MYBBP1A: variants seen among roughly 807,000 people sequenced by gnomAD.
The protein encoded by MYBBP1A is myb-binding protein 1A.
MYBBP1A carries 147 observed loss-of-function variants against 136.3 expected under a neutral mutation model. That is an observed-to-expected ratio of 1.08 (90% CI 0.94 to 1.24). The LOEUF (loss-of-function observed/expected upper bound fraction) is 1.24. Ranked by LOEUF, MYBBP1A falls within the 50% of genes most tolerant of loss-of-function variation. The pLI is 0.00. For synonymous variants in MYBBP1A, 947 were observed against 735.8 expected, an observed-to-expected ratio of 1.29 and a Z score of -4.65; for missense variants, 2,060 against 1,727.4, an observed-to-expected ratio of 1.19 and a Z score of -3.41.
In MYBBP1A at chr17:4,544,506, C is replaced by G. The variant is rs1335006631; in HGVS notation, c.2622G>C (p.Lys874Asn). The change falls in exon 19 of 26, where the codon AAG (lysine) becomes AAC (asparagine). Residue 874 changes from lysine (K) to asparagine (N), a missense_variant. By Grantham distance (94) the Lys-to-Asn change is moderately conservative. Transcript: ENST00000254718. ...SSKQEQDLLH[K>N]TARIFTHHLC... ...GTGCTCACGTGAAGATGCGCGCCGTCTTGTGCAGAAGGTCCTGCTCCTGTT... is the reference window on the plus strand; with the variant it reads ...GTGCTCACGTGAAGATGCGCGCCGTGTTGTGCAGAAGGTCCTGCTCCTGTT... The G allele has an allele frequency of 6.4e-7, 1 of 1,551,962 alleles. No homozygotes were observed. Among genetic ancestry groups the G allele is most frequent in the East Asian group, 2.4e-5 (1 of 41,104 alleles).
intron 13 of MYBBP1A, 89 bp downstream of exon 13, chr17:4,547,869 C>G: frequency 8.6e-7 from 1 of 1,167,648 alleles, no homozygotes; most frequent in East Asian, 2.7e-5. Flanking sequence ...TTCCTGGAAA[C>G]CCGCACAGCC....
Position 4,545,897 on chromosome 17 carries a change from T to C in MYBBP1A, c.1870A>G (p.Ile624Val). The C allele has an allele frequency of 6.2e-7, 1 of 1,613,386 alleles. No individual in the cohort carries two copies. The highest frequency in any genetic ancestry group is 8.5e-7 in the Non-Finnish European group (1 of 1,179,996). The change falls in exon 14 of 26, where the codon ATC becomes GTC. Residue 624 changes from isoleucine to valine, a missense_variant. Ile to Val is a conservative substitution (Grantham distance 29). Coordinates refer to ENST00000254718, the MANE Select transcript of MYBBP1A (RefSeq NM_014520.4). Reference protein sequence around the residue: ...CDLLGDIQTCIRKSLGEKPRR... With the variant: ...CDLLGDIQTCVRKSLGEKPRR... Reference sequence around the variant, plus strand: ...GGCTTCTCTCCCAGACTTTTCCTGATGCAGGTCTGGATGTCACCCAGCAGG... The same window carrying C: ...GGCTTCTCTCCCAGACTTTTCCTGACGCAGGTCTGGATGTCACCCAGCAGG...
rs201294033 is a variant in MYBBP1A at position 4,553,838 on chromosome 17, C to T, written c.533G>A (p.Arg178Gln). The stretch of plus-strand genomic sequence containing the variant: ...GGAGAGGATGTCCACCAGGGCCTTC[C>T]GGGGCTGCTCCTGCAAGTGGTTTTG... Reference protein sequence around the residue: ...QYQNHLQEQPRKALVDILSEV... With the variant: ...QYQNHLQEQPQKALVDILSEV... Residue 178 changes from arginine (R) to glutamine (Q), a missense_variant, in exon 5 of 26, where the codon CGG (arginine) becomes CAG (glutamine). Physicochemically the swap from Arg to Gln is conservative, Grantham distance 43. Coordinates refer to ENST00000254718, the MANE Select transcript of MYBBP1A (RefSeq NM_014520.4). 6.7e-5 allele frequency: 108 copies of T among 1,613,942 alleles called. No homozygotes were observed. The Admixed American group carries it at 7.5e-4, about 11-fold the overall frequency.
chr17:4,550,663 C>CGCCTT (rs1334167823), intron 8 of MYBBP1A, among the ~76,000 whole-genome samples: 47 of 152,388 alleles, frequency 3.1e-4, no homozygotes, highest in Non-Finnish European at 1.5e-5. Flanking sequence ...CCCCTCTTTC[C>CGCCTT]GCCTTGCTGG....
Position 4,539,169 on chromosome 17 carries a change from C to A in MYBBP1A, c.*246G>T. 6.9e-7 allele frequency: 1 copy of A among 1,455,848 alleles called. No individual in the cohort carries two copies. Among genetic ancestry groups the A allele is most frequent in the Non-Finnish European group, 9.0e-7 (1 of 1,113,834 alleles). The allele number at this position is 1,455,848 out of a possible 1,614,324, so 90.2% of individuals were successfully genotyped here. A position where few individuals can be genotyped will look rare whatever the true frequency, so the allele number is the denominator to read the frequency against. ...GCAAACACCAGAGCCCTGGACATGG[C>A]CCTGGAGCCAGGGTCCCAGCCCAGA... On this transcript the variant is annotated 3_prime_UTR_variant, in exon 26 of 26. Coordinates refer to ENST00000254718, the MANE Select transcript of MYBBP1A (RefSeq NM_014520.4).
rs542146422 is a variant in MYBBP1A, at chr17:4,542,471, C to T, written c.3080G>A (p.Arg1027His). The T allele has an allele frequency of 2.0e-5, 32 of 1,607,590 alleles. No individual in the cohort carries two copies. The highest frequency in any genetic ancestry group is 4.4e-5 in the South Asian group (4 of 90,566). Residue 1027 changes from arginine (R) to histidine (H), a missense_variant, in exon 22 of 26, where the codon CGT (arginine) becomes CAT (histidine). Physicochemically the swap from Arg to His is conservative, Grantham distance 29. Coordinates refer to ENST00000254718, the MANE Select transcript of MYBBP1A (RefSeq NM_014520.4). ...VQHITGPVRP[R>H]HQACLLLQKT... ...AGCTGGGAAGTCTCTCACCTGATGA[C>T]GGGGCCGCACCGGGCCCGTGATATG... is the stretch of plus-strand genomic sequence containing the variant.
In MYBBP1A at chr17:4,551,959, A is replaced by G. The variant is rs1326594923; in HGVS notation, c.944T>C (p.Leu315Pro). 4.3e-6 allele frequency: 7 copies of G among 1,612,534 alleles called. No homozygotes were observed. Among genetic ancestry groups the G allele is most frequent in the East Asian group, 2.2e-5 (1 of 44,822 alleles). Residue 315 changes from leucine (L) to proline (P), a missense_variant, in exon 8 of 26, where the codon CTG becomes CCG. By Grantham distance (98) the Leu-to-Pro change is moderately conservative. Transcript: ENST00000254718. ...CFRLLGAALP[L>P]LTKEQLHLVM... ...CAGGTGCAGCTGCTCCTTGGTCAGC[A>G]GGGGCAGGGCCGCGCCCAGCAGGCG...
chr17:4,546,008 G>C lies in MYBBP1A; in HGVS notation c.1825-66C>G. 2.0e-6 allele frequency: 3 copies of C among 1,480,144 alleles called. No homozygotes were observed. The South Asian group carries it at 3.5e-5, about 17-fold the overall frequency. 91.7% of individuals were successfully genotyped at this position (1,480,144 alleles called of 1,614,324 possible). On this transcript the variant is annotated intron_variant, in intron 13 of 25. Coordinates refer to ENST00000254718, the MANE Select transcript of MYBBP1A (RefSeq NM_014520.4). Reference sequence around the variant, plus strand: ...CCCCAGCCCTTCTAAACCAGGCAAGGGGCTGGCCAAATGGCAGCAGTGGCA... The same window carrying C: ...CCCCAGCCCTTCTAAACCAGGCAAGCGGCTGGCCAAATGGCAGCAGTGGCA...
rs551710622 is a variant in MYBBP1A, at chr17:4,548,980, C to A, written c.1431-331G>T. Among the ~76,000 whole-genome samples, 8 of 152,364 alleles carry A rather than the reference C, an allele frequency of 5.3e-5. No individual in the cohort carries two copies. The South Asian group carries it at 1.7e-3, about 32-fold the overall frequency. ...CACTGCTCCTGCGAACATGGGACAG[C>A]CCCCTCTTGCAACCGTGCATGTTGA... On this transcript the variant is annotated intron_variant, in intron 10 of 25. Coordinates refer to ENST00000254718, the MANE Select transcript of MYBBP1A (RefSeq NM_014520.4). The surrounding 1 kb of genome is among the most constrained non-coding windows in gnomAD (Gnocchi z 4.2).
chr17:4,544,158 C>G (rs919637666), intron 19 of MYBBP1A, among the ~76,000 whole-genome samples: 1 of 151,374 alleles, frequency 6.6e-6, no homozygotes, highest in East Asian at 1.9e-4. Flanking sequence ...CACCCCAGCA[C>G]AGCCCCACTT....
In MYBBP1A at chr17:4,539,547, C is replaced by G; in HGVS notation, c.3855G>C (p.Gly1285=). Residue 1285 remains glycine, a synonymous_variant, in exon 26 of 26, where the codon GGG becomes GGC. Coordinates refer to ENST00000254718, the MANE Select transcript of MYBBP1A (RefSeq NM_014520.4). ...KQHQKALPKK[G]VLGKSPLSAL... is the part of the protein sequence containing the mutation. The stretch of plus-strand genomic sequence containing the variant: ...CGGACAGTGGTGATTTGCCCAAGAC[C>G]CCCTTTTTGGGAAGAGCCTTCTGAT... The G allele has an allele frequency of 6.2e-7, 1 of 1,614,160 alleles. No homozygotes were observed. The highest frequency in any genetic ancestry group is 8.5e-7 in the Non-Finnish European group (1 of 1,180,020).
At chr17:4,542,149 A>T (rs1464845916) in intron 22 of MYBBP1A, 5 of 584,812 alleles carry the variant, frequency 8.5e-6, no homozygotes, top group Non-Finnish European at 1.2e-5. Flanking sequence ...ATCTTCCTCC[A>T]GCCTGCCCCC....
chr17:4,547,658 G>T, intron 13 of MYBBP1A: 1 of 357,664 alleles, frequency 2.8e-6, no homozygotes, highest in Non-Finnish European at 5.0e-6. Context: ...AGGGGGTACA[G>T]TGCAAGCTCC....
rs781251773 is a variant in MYBBP1A at position 4,552,482 on chromosome 17, C to G, written c.706G>C (p.Val236Leu). Residue 236 changes from valine (V) to leucine (L), a missense_variant, in exon 6 of 26, where the codon GTG becomes CTG. Physicochemically the swap from Val to Leu is conservative, Grantham distance 32. Transcript: ENST00000254718. The surrounding 1 kb of genome is among the most constrained non-coding windows in gnomAD (Gnocchi z 4.7). ...PSKLKKLVGS[V>L]NLFSDENVPR... ...ACATTCTCATCTGAGAATAGGTTCACGGATCCCACCAGCTTCTTGAGCTTG... is the reference window on the plus strand; with the variant it reads ...ACATTCTCATCTGAGAATAGGTTCAGGGATCCCACCAGCTTCTTGAGCTTG... 1 of 1,613,462 alleles carries G rather than the reference C, an allele frequency of 6.2e-7. No homozygotes were observed. The highest frequency in any genetic ancestry group is 1.3e-5 in the African/African-American group (1 of 74,944).
rs759192424 is a variant in MYBBP1A at position 4,544,634 on chromosome 17, C to G, written c.2494G>C (p.Val832Leu). 1.3e-6 allele frequency: 2 copies of G among 1,583,478 alleles called. No individual in the cohort carries two copies. Among genetic ancestry groups the G allele is most frequent in the Non-Finnish European group, 1.7e-6 (2 of 1,166,310 alleles). The change falls in exon 19 of 26, where the codon GTG becomes CTG. Residue 832 changes from valine to leucine, a missense_variant. Val to Leu is a conservative substitution (Grantham distance 32, BLOSUM62 1). Coordinates refer to ENST00000254718, the MANE Select transcript of MYBBP1A (RefSeq NM_014520.4). ...RDFQIRVLDLVEVLVTKQPEN... is the reference protein window; with the variant it reads ...RDFQIRVLDLLEVLVTKQPEN... ...GGCTGCTTGGTCACTAGCACCTCCA[C>G]CAGGTCCAGCACCTGCAGCCAGGAG...
Position 4,552,334 on chromosome 17 carries a change from C to T in MYBBP1A, c.738-42G>A, listed in dbSNP as rs752780267. On this transcript the variant is annotated intron_variant, in intron 6 of 25. Coordinates refer to ENST00000254718, the MANE Select transcript of MYBBP1A (RefSeq NM_014520.4). This position sits in a 1 kb window ranked among gnomAD's most constrained non-coding sequence, Gnocchi z 4.7. ...ACTCAGGGAACACTTGCCTCACAGG[C>T]AAGGGCCAGGGTGACAAGAGCAGCC... 1 of 1,611,526 alleles carries T rather than the reference C, an allele frequency of 6.2e-7. No individual in the cohort carries two copies. The highest frequency in any genetic ancestry group is 1.7e-5 in the Admixed American group (1 of 59,952).
chr17:4,551,564 C>G (rs1216524121), intron 8 of MYBBP1A, among the ~76,000 whole-genome samples: 1 of 152,202 alleles, frequency 6.6e-6, no homozygotes, highest in Non-Finnish European at 1.5e-5. Context: ...CAAAAATTAG[C>G]TGGGCGTGGT....
In MYBBP1A at chr17:4,549,353, G is replaced by A. The variant is rs1555541949; in HGVS notation, c.1409C>T (p.Ala470Val). The A allele has an allele frequency of 6.2e-7, 1 of 1,612,400 alleles. No individual in the cohort carries two copies. The highest frequency in any genetic ancestry group is 1.7e-5 in the Admixed American group (1 of 60,010). ...GCACCTGGCCACCTGCTCAGTCAAGGCCTCCTCCATCTCCAGGTGCAGGCT... is the reference window on the plus strand; with the variant it reads ...GCACCTGGCCACCTGCTCAGTCAAGACCTCCTCCATCTCCAGGTGCAGGCT... ...VDSLHLEMEE[A>V]LTEQVARFCL... is the part of the protein sequence containing the mutation. Residue 470 changes from alanine to valine, a missense_variant, in exon 10 of 26, where the codon GCC (alanine) becomes GTC (valine). Transcript: ENST00000254718.
chr17:4,549,841 G>C (rs1421136415), intron 9 of MYBBP1A, among the ~76,000 whole-genome samples: 1 of 147,784 alleles, frequency 6.8e-6, no homozygotes, highest in Non-Finnish European at 1.5e-5. Context: ...TCCTTTGCCT[G>C]ATCTCAGAGA....
Sources: gnomAD v4.1 joint callset for allele counts (sites outside exome capture counted in the v4.1 genomes callset) on GRCh38, gnomAD v4.1.1 for gene constraint, Gnocchi (gnomAD v3.1) non-coding constraint, MANE v1.5 for transcripts, NCBI Gene and HGNC (gene_info 2026-07-23, HGNC 2026-07-21) for gene names.